The following GATB variants were observed in gnomAD, a reference collection of about 807,000 sequenced individuals.
The protein encoded by GATB is glutamyl-tRNA amidotransferase subunit B, also known as glutamyl-tRNA(Gln) amidotransferase subunit B, mitochondrial.
In GATB, 39 loss-of-function variants were observed where a neutral mutation model predicts 62.3. That is an observed-to-expected ratio of 0.63 (90% confidence interval 0.48 to 0.82). GATB has a LOEUF of 0.82. Ranked by LOEUF, GATB falls within the 40% of genes least tolerant of loss-of-function variation. The probability of loss-of-function intolerance (pLI) is 0.00; values close to 1 mark genes in which losing one functional copy is unlikely to be tolerated. For missense variants in GATB, 670 were observed against 684.0 expected, an observed-to-expected ratio of 0.98 and a Z score of 0.23; for synonymous variants, 276 against 258.9, an observed-to-expected ratio of 1.07 and a Z score of -0.63.
At position 151,717,029 on chromosome 4, in the gene GATB, C is replaced by A. The variant is rs1738927754; in HGVS notation, c.487G>T (p.Gly163Trp). The change falls in exon 4 of 13, where the codon GGG (glycine) becomes TGG (tryptophan). Residue 163 changes from glycine to tryptophan, a missense_variant. Physicochemically the swap from Gly to Trp is radical, Grantham distance 184. Coordinates refer to ENST00000263985, the MANE Select transcript of GATB (RefSeq NM_004564.3). ...TQQRLPIAVN[G>W]SLIYGVCAGK... Reference sequence around the variant, plus strand: ...GCACAGACGCCATATATCAAGCTCCCATTCACAGCAATTGGGAGCCTCTGC... The same window carrying A: ...GCACAGACGCCATATATCAAGCTCCAATTCACAGCAATTGGGAGCCTCTGC... 1.2e-6 allele frequency: 2 copies of A among 1,614,124 alleles called. No individual in the cohort carries two copies. The highest frequency in any genetic ancestry group is 2.2e-5 in the South Asian group (2 of 91,064).
intron 2 of GATB, among the ~76,000 whole-genome samples, chr4:151,736,150 T>C (rs1432638826): frequency 2.0e-5 from 3 of 152,216 alleles, no homozygotes; most frequent in Non-Finnish European, 2.9e-5. Context: ...TCCTATGCCA[T>C]AGATTCAATT....
intron 2 of GATB, 42 bp downstream of exon 2, chr4:151,758,730 A>G (rs1394212987): frequency 7.1e-7 from 1 of 1,412,708 alleles, no homozygotes; most frequent in Non-Finnish European, 9.6e-7. Context: ...AATATAAAAT[A>G]AACATTTTTC....
intron 11 of GATB, chr4:151,674,996 A>G (rs566976633): frequency 3.3e-5 from 5 of 152,330 alleles, no homozygotes; most frequent in Admixed American, 2.0e-4. Context: ...GGTGGGAAGC[A>G]CACGGCAGAC....
chr4:151,717,272 AC>A, intron 3 of GATB, 198 bp from the exon 4 acceptor site: 1 of 579,734 alleles, frequency 1.7e-6, no homozygotes, highest in Non-Finnish European at 3.1e-6. Flanking sequence ...CCCTGCCATC[AC>A]CCCTTCACCC....
chr4:151,741,021 T>TA (rs1739473933), intron 2 of GATB, among the ~76,000 whole-genome samples: 1 of 152,178 alleles, frequency 6.6e-6, no homozygotes, highest in African/African-American at 2.4e-5. Flanking sequence ...TGCACACTCC[T>TA]ACCTCTCTTT....
intron 11 of GATB, among the ~76,000 whole-genome samples, chr4:151,678,093 AGAAAAAAAAG>A (rs1738047774): frequency 6.6e-6 from 1 of 152,154 alleles, no homozygotes; most frequent in South Asian, 2.1e-4. Context: ...TCCTAAAAAC[AGAAAAAAAAG>A]GTAGAAAAAC....
chr4:151,697,655 TTTA>T (rs1055758653), intron 9 of GATB, among the ~76,000 whole-genome samples: 12 of 149,082 alleles, frequency 8.0e-5, no homozygotes, highest in African/African-American at 2.7e-4. Flanking sequence ...CCGTATATGT[TTTA>T]TAATATATAT....
intron 2 of GATB, among the ~76,000 whole-genome samples, chr4:151,741,413 T>C (rs1297883224): frequency 1.3e-5 from 2 of 152,212 alleles, no homozygotes; most frequent in African/African-American, 2.4e-5. Flanking sequence ...CCTTCTCTAA[T>C]AAGGGCTTAT....
intron 11 of GATB, chr4:151,673,647 C>T (rs1737929034): frequency 6.6e-6 from 1 of 151,964 alleles, no homozygotes; most frequent in Admixed American, 6.6e-5. Flanking sequence ...AAAATGACAA[C>T]AACAAATCCC....
At chr4:151,751,233 A>G (rs1739715574) in intron 2 of GATB, among the ~76,000 whole-genome samples, 1 of 152,166 alleles carries the variant, frequency 6.6e-6, no homozygotes, top group Non-Finnish European at 1.5e-5. Flanking sequence ...AATGAAAAGC[A>G]CTTCACCAGC....
Position 151,717,080 on chromosome 4 carries a change from CACAA to C in GATB, c.442-10_442-7del. ...TGGGTAATTTGGTAGCCTGCCTGCA[CACAA>C]ACATAGGGTAAACATAGTCACTGGT... On this transcript the variant is annotated splice_region_variant and splice_polypyrimidine_tract_variant and intron_variant, in intron 3 of 12. Coordinates refer to ENST00000263985, the MANE Select transcript of GATB (RefSeq NM_004564.3). 1 of 1,613,778 alleles carries C rather than the reference CACAA, an allele frequency of 6.2e-7. No individual in the cohort carries two copies. The highest frequency in any genetic ancestry group is 8.5e-7 in the Non-Finnish European group (1 of 1,179,758).
intron 9 of GATB, among the ~76,000 whole-genome samples, chr4:151,692,675 C>G (rs1330786306): frequency 6.6e-6 from 1 of 152,174 alleles, no homozygotes; most frequent in Admixed American, 6.5e-5. Context: ...TCTCCTGCCC[C>G]CTGCCTTGCC....
chr4:151,687,156 T>C (rs1453040463), intron 10 of GATB: 1 of 152,150 alleles, frequency 6.6e-6, no homozygotes, highest in Non-Finnish European at 1.5e-5. Context: ...AGAGGCTAAG[T>C]GAACATGAGC....
chr4:151,727,212 T>G (rs1309366033), intron 2 of GATB, among the ~76,000 whole-genome samples: 2 of 152,248 alleles, frequency 1.3e-5, no homozygotes, highest in African/African-American at 2.4e-5. Context: ...TGAGTCACCA[T>G]GCCCGGCCCT....
At chr4:151,692,703 C>T (rs569814321) in intron 9 of GATB, among the ~76,000 whole-genome samples, 4 of 152,250 alleles carry the variant, frequency 2.6e-5, no homozygotes, top group Admixed American at 6.5e-5. Flanking sequence ...CCCCTCCCCA[C>T]GCTACTGCTG....
chr4:151,749,628 C>A (rs62327352), intron 2 of GATB, among the ~76,000 whole-genome samples: 88,149 of 150,988 alleles, frequency 0.58, 28,051 homozygotes, highest in African/African-American at 0.86. Context: ...CCTAGAACTT[C>A]AAGTATAATT....
chr4:151,709,638 C>G lies in GATB; in HGVS notation c.764-1537G>C, dbSNP rs575659438. Among the ~76,000 whole-genome samples the G allele has an allele frequency of 1.1e-4, 16 of 152,302 alleles. No homozygotes were observed. The South Asian group carries it at 3.3e-3, about 32-fold the overall frequency. ...AATGTCTGTCACGGCCTTTCCATTT[C>G]CATGGCTACCACCCTTGCCCAAGGT... On this transcript the variant is annotated intron_variant, in intron 5 of 12. Transcript: ENST00000263985.
At chr4:151,695,655 T>C (rs954027183) in intron 9 of GATB, among the ~76,000 whole-genome samples, 1 of 152,084 alleles carries the variant, frequency 6.6e-6, no homozygotes, top group African/African-American at 2.4e-5. Context: ...TCCTACCAAG[T>C]TCCTATTAAA....
Position 151,671,277 on chromosome 4 carries a change from G to C in GATB, c.1571C>G (p.Pro524Arg). Residue 524 changes from proline (P) to arginine (R), a missense_variant, in exon 13 of 13, where the codon CCC becomes CGC. By Grantham distance (103) the Pro-to-Arg change is moderately radical (BLOSUM62 -2). Transcript: ENST00000263985. ...CCCAATCAGTTTATTTATAGCTCTGGGGTTTCTGTTCTTCACATCCATTAC... is the reference window on the plus strand; with the variant it reads ...CCCAATCAGTTTATTTATAGCTCTGCGGTTTCTGTTCTTCACATCCATTAC... ...QVVMDVKNRNPRAINKLIGLV... is the reference protein window; with the variant it reads ...QVVMDVKNRNRRAINKLIGLV... 6.2e-7 allele frequency: 1 copy of C among 1,612,954 alleles called. No homozygotes were observed. Among genetic ancestry groups the C allele is most frequent in the Non-Finnish European group, 8.5e-7 (1 of 1,179,794 alleles).
Sources: allele counts gnomAD v4.1 joint callset (sites outside exome capture counted in the v4.1 genomes callset), GRCh38; gene constraint gnomAD v4.1.1; transcripts MANE v1.5; gene names NCBI Gene and HGNC (gene_info 2026-07-23, HGNC 2026-07-21).